Variants in NBEAL1 observed in about 807,000 individuals in gnomAD.
The protein encoded by NBEAL1 is neurobeachin-like protein 1.
In NBEAL1, 273 loss-of-function variants were observed where a neutral mutation model predicts 351.3. The ratio of observed to expected loss-of-function variants is 0.78; its 90% confidence interval spans 0.70 to 0.86. The LOEUF is 0.86. NBEAL1 is among the 40% of genes least tolerant of loss of function. The probability of loss-of-function intolerance (pLI) is 0.00; values close to 1 mark genes in which losing one functional copy is unlikely to be tolerated. For synonymous variants in NBEAL1, 1,050 were observed against 1,086.4 expected (o/e 0.97, Z 0.66); for missense variants, 2,961 against 3,201.3 (o/e 0.92, Z 1.81).
chr2:203,207,330 G>T (rs1318890487), intron 51 of NBEAL1, among the ~76,000 whole-genome samples: 8 of 150,370 alleles, frequency 5.3e-5, no homozygotes, highest in Admixed American at 5.3e-4. Flanking sequence ...CCCTCCGGGA[G>T]GTGAGGGGCG....
In NBEAL1 at chr2:203,044,664, A is replaced by T. The variant is rs528505708; in HGVS notation, c.143+2808A>T. ...TTTTTGTCAAAAAACTGAAACATGA[A>T]TTTAATTTTTCTAATAGAAAACATT... On this transcript the variant is annotated intron_variant, in intron 3 of 55. Transcript: ENST00000683969. 7.9e-5 allele frequency among the ~76,000 whole-genome samples: 12 copies of T among 152,344 alleles called. No individual in the cohort carries two copies. The East Asian group carries it at 9.6e-4, about 12-fold the overall frequency.
intron 33 of NBEAL1, 96 bp downstream of exon 33, chr2:203,145,256 C>A: frequency 1.9e-6 from 2 of 1,050,930 alleles, no homozygotes; most frequent in Non-Finnish European, 2.6e-6. Context: ...TTAAAACAAG[C>A]AGTATTTCTT....
intron 51 of NBEAL1, among the ~76,000 whole-genome samples, chr2:203,204,142 C>G (rs751658740): frequency 6.6e-6 from 1 of 150,594 alleles, no homozygotes; most frequent in Non-Finnish European, 1.5e-5. Context: ...TTCTCCAGGA[C>G]GGTCTCGAAC....
chr2:203,101,511 A>G (rs2062320907), intron 12 of NBEAL1, among the ~76,000 whole-genome samples: 1 of 152,104 alleles, frequency 6.6e-6, no homozygotes, highest in South Asian at 2.1e-4. Context: ...TTAATTTTAA[A>G]ATAGGTTTTT....
chr2:203,088,815 A>G lies in NBEAL1; in HGVS notation c.1098+4246A>G, dbSNP rs754908085. Among the ~76,000 whole-genome samples, 4 of 152,330 alleles carry G rather than the reference A, an allele frequency of 2.6e-5. No individual in the cohort carries two copies. The East Asian group carries it at 7.7e-4, about 29-fold the overall frequency. ...AGTATTTGACATGAATCACATCAAG[A>G]AAAGGTCTTGACTTGGGAGATTGGG... On this transcript the variant is annotated intron_variant, in intron 10 of 55. Transcript: ENST00000683969.
intron 7 of NBEAL1, among the ~76,000 whole-genome samples, chr2:203,072,410 G>C (rs1206619706): frequency 7.2e-6 from 1 of 139,394 alleles, no homozygotes; most frequent in Non-Finnish European, 1.6e-5. Flanking sequence ...TTGTTTGTTT[G>C]TTTTTTTTTT....
At chr2:203,048,946 C>A (rs1450169176) in intron 3 of NBEAL1, among the ~76,000 whole-genome samples, 1 of 149,802 alleles carries the variant, frequency 6.7e-6, no homozygotes, top group Non-Finnish European at 1.5e-5. Context: ...TCTTTTCTCC[C>A]TCTTCTGATC....
chr2:203,045,421 G>A (rs1400419626), intron 3 of NBEAL1, among the ~76,000 whole-genome samples: 1 of 152,110 alleles, frequency 6.6e-6, no homozygotes, highest in East Asian at 1.9e-4. Flanking sequence ...ATGTATATAT[G>A]TATGTTAATG....
chr2:203,088,342 A>G (rs1354516648), intron 10 of NBEAL1, among the ~76,000 whole-genome samples: 1 of 152,166 alleles, frequency 6.6e-6, no homozygotes. Context: ...AAGAGTCAGC[A>G]TGTGTATTAC....
chr2:203,145,981 T>C (rs1420264551), intron 33 of NBEAL1, among the ~76,000 whole-genome samples: 1 of 151,044 alleles, frequency 6.6e-6, no homozygotes, highest in Admixed American at 6.6e-5. Context: ...ACAGATAAAC[T>C]TCTAGCAAGA....
intron 19 of NBEAL1, among the ~76,000 whole-genome samples, chr2:203,124,970 CA>C (rs1254320397): frequency 6.6e-6 from 1 of 152,166 alleles, no homozygotes; most frequent in African/African-American, 2.4e-5. Flanking sequence ...TTTCTACCAC[CA>C]AATGCATTTT....
Position 203,201,600 on chromosome 2 carries a change from A to G in NBEAL1, c.7296A>G (p.Leu2432=), listed in dbSNP as rs2065400509. The G allele has an allele frequency of 6.2e-7, 1 of 1,612,394 alleles. No individual in the cohort carries two copies. The highest frequency in any genetic ancestry group is 8.5e-7 in the Non-Finnish European group (1 of 1,179,108). Residue 2432 remains leucine, a synonymous_variant, in exon 50 of 56, where the codon CTA becomes CTG. Coordinates refer to ENST00000683969, the MANE Select transcript of NBEAL1 (RefSeq NM_001378026.1). The part of the protein sequence containing the change: ...FAPGLEITSK[L]FVVSHDAKLL... The stretch of plus-strand genomic sequence containing the variant: ...CCGGGCTAGAGATCACTTCTAAGCT[A>G]TTTGTAGTATCACATGATGCAAAGT...
chr2:203,099,732 G>T lies in NBEAL1; in HGVS notation c.1269+20G>T. The stretch of plus-strand genomic sequence containing the variant: ...GCTAAGGTGAAACATATATCCTCCA[G>T]CTTTTTTTTTTTTCTTAACTTTTAT... On this transcript the variant is annotated intron_variant, in intron 12 of 55. Coordinates refer to ENST00000683969, the MANE Select transcript of NBEAL1 (RefSeq NM_001378026.1). 2 of 1,468,668 alleles carry T rather than the reference G, an allele frequency of 1.4e-6. No homozygotes were observed. Among genetic ancestry groups the T allele is most frequent in the East Asian group, 2.5e-5 (1 of 40,254 alleles). 91.0% of individuals were successfully genotyped at this position (1,468,668 alleles called of 1,614,324 possible).
At chr2:203,080,520 T>A (rs1337520734) in intron 8 of NBEAL1, among the ~76,000 whole-genome samples, 1 of 152,226 alleles carries the variant, frequency 6.6e-6, no homozygotes, top group Non-Finnish European at 1.5e-5. Context: ...ATGGCCCTTA[T>A]GCTCAATGGC....
intron 28 of NBEAL1, 77 bp from the exon 29 acceptor site, chr2:203,136,522 A>T: frequency 9.7e-7 from 1 of 1,029,116 alleles, no homozygotes; most frequent in South Asian, 1.6e-5. Flanking sequence ...TACAATGAGT[A>T]TATGTAATGG....
chr2:203,156,841 CAAGTT>C (rs530950388), intron 35 of NBEAL1, among the ~76,000 whole-genome samples: 14 of 152,038 alleles, frequency 9.2e-5, no homozygotes, highest in Non-Finnish European at 1.3e-4. Flanking sequence ...CTTTATTCAT[CAAGTT>C]AAGTATGTTA....
chr2:203,127,008 C>G, intron 23 of NBEAL1, 82 bp downstream of exon 23: 1 of 954,002 alleles, frequency 1.0e-6, no homozygotes. Flanking sequence ...TGTAGACTTT[C>G]TCTTTACCAG....
intron 43 of NBEAL1, chr2:203,182,827 A>G (rs1217982957): frequency 6.6e-6 from 1 of 152,310 alleles, no homozygotes; most frequent in Non-Finnish European, 1.5e-5. Flanking sequence ...AATCTTTATT[A>G]TGCAAGTATC....
At chr2:203,119,972 T>G (rs2062793078) in intron 18 of NBEAL1, among the ~76,000 whole-genome samples, 1 of 152,216 alleles carries the variant, frequency 6.6e-6, no homozygotes, top group Non-Finnish European at 1.5e-5. Context: ...ATTCATTTGC[T>G]TAAAACTTAT....
Sources: gnomAD v4.1 joint callset for allele counts (sites outside exome capture counted in the v4.1 genomes callset) on GRCh38, gnomAD v4.1.1 for gene constraint, MANE v1.5 for transcripts, NCBI Gene and HGNC (gene_info 2026-07-23, HGNC 2026-07-21) for gene names.